MACROD2: variants seen among roughly 807,000 people sequenced by gnomAD.
MACROD2 encodes the protein mono-ADP ribosylhydrolase 2.
A neutral mutation model predicts 70.4 loss-of-function variants in MACROD2; 36 were observed. The observed-to-expected ratio is 0.51, with a 90% confidence interval of 0.39 to 0.68. The LOEUF is 0.68. Ranked by LOEUF, MACROD2 falls within the 30% of genes least tolerant of loss-of-function variation. MACROD2 has a pLI of 0.00. For synonymous variants in MACROD2, 172 were observed against 178.8 expected (o/e 0.96, Z 0.30); for missense variants, 496 against 538.4 (o/e 0.92, Z 0.78).
chr20:15,695,904 CTT>C (rs1413865482), intron 8 of MACROD2, among the ~76,000 whole-genome samples: 1 of 152,098 alleles, frequency 6.6e-6, no homozygotes, highest in Non-Finnish European at 1.5e-5. Context: ...TATCTGGAAA[CTT>C]TGCTGAATTC....
At chr20:14,691,777 T>G (rs1018540577) in intron 5 of MACROD2, among the ~76,000 whole-genome samples, 6 of 152,140 alleles carry the variant, frequency 3.9e-5, no homozygotes, top group African/African-American at 1.4e-4. Context: ...CAGCCTTTGA[T>G]GAAGACCTGA....
At chr20:14,919,744 A>C (rs1436904224) in intron 5 of MACROD2, among the ~76,000 whole-genome samples, 1 of 152,212 alleles carries the variant, frequency 6.6e-6, no homozygotes, top group African/African-American at 2.4e-5. Flanking sequence ...AACAACAAAA[A>C]CAAACAAACA....
intron 3 of MACROD2, among the ~76,000 whole-genome samples, chr20:14,220,210 C>T (rs1569212322): frequency 6.6e-6 from 1 of 151,840 alleles, no homozygotes; most frequent in Non-Finnish European, 1.5e-5. Flanking sequence ...GCTGCGGCTG[C>T]TGTTGGGGGG....
chr20:15,933,511 C>G, intron 11 of MACROD2, 173 bp downstream of exon 11: 2 of 542,400 alleles, frequency 3.7e-6, no homozygotes, highest in Non-Finnish European at 6.5e-6. Flanking sequence ...GAGTTGAGTG[C>G]TTTCAAACAG....
intron 6 of MACROD2, among the ~76,000 whole-genome samples, chr20:15,279,518 A>G (rs2077424485): frequency 6.6e-6 from 1 of 152,230 alleles, no homozygotes; most frequent in African/African-American, 2.4e-5. Flanking sequence ...CTCCAAGAAT[A>G]CAAGACAGCA....
chr20:14,832,541 C>T (rs2072983210), intron 5 of MACROD2, among the ~76,000 whole-genome samples: 1 of 152,056 alleles, frequency 6.6e-6, no homozygotes, highest in South Asian at 2.1e-4. Context: ...CATTTGTTTT[C>T]AAGGCTTTCT....
At chr20:14,112,508 A>C (rs1411118361) in intron 3 of MACROD2, among the ~76,000 whole-genome samples, 1 of 152,048 alleles carries the variant, frequency 6.6e-6, no homozygotes, top group Non-Finnish European at 1.5e-5. Flanking sequence ...GTACCCACAA[A>C]ATTAAAAAAT....
At chr20:14,989,115 A>G (rs973219166) in intron 5 of MACROD2, among the ~76,000 whole-genome samples, 1 of 152,214 alleles carries the variant, frequency 6.6e-6, no homozygotes, top group African/African-American at 2.4e-5. Context: ...GTATGTTACC[A>G]TATAGCGACA....
chr20:14,993,700 A>T (rs1348927269), intron 5 of MACROD2, among the ~76,000 whole-genome samples: 1 of 152,208 alleles, frequency 6.6e-6, no homozygotes, highest in Non-Finnish European at 1.5e-5. Context: ...TAAATGCTCT[A>T]GTCTGTAGAC....
intron 5 of MACROD2, among the ~76,000 whole-genome samples, chr20:15,145,861 T>C (rs17293544): frequency 0.082 from 12,443 of 152,114 alleles, 611 homozygotes; most frequent in Middle Eastern, 0.15. Context: ...TAGTGAAAAA[T>C]TGAAGAAACA....
chr20:15,660,324 A>G (rs1385923686), intron 8 of MACROD2, among the ~76,000 whole-genome samples: 1 of 152,188 alleles, frequency 6.6e-6, no homozygotes, highest in Non-Finnish European at 1.5e-5. Context: ...TTCATTTGAC[A>G]TGTGTTAATT....
intron 8 of MACROD2, among the ~76,000 whole-genome samples, chr20:15,802,670 G>A (rs190517725): frequency 2.2e-4 from 34 of 152,118 alleles, no homozygotes; most frequent in Admixed American, 8.5e-4. Flanking sequence ...GTAAAGGTCC[G>A]AGCACAACTA....
At chr20:14,626,190 C>T (rs1466962133) in intron 4 of MACROD2, among the ~76,000 whole-genome samples, 1 of 152,068 alleles carries the variant, frequency 6.6e-6, no homozygotes, top group Non-Finnish European at 1.5e-5. Flanking sequence ...CACTTTACAG[C>T]AAGGGTAGTT....
At chr20:15,444,281 C>T (rs951896625) in intron 7 of MACROD2, among the ~76,000 whole-genome samples, 2 of 152,120 alleles carry the variant, frequency 1.3e-5, no homozygotes, top group Non-Finnish European at 2.9e-5. Context: ...TATCAATGTT[C>T]CACATTTTGT....
chr20:14,350,528 C>G (rs1001811679), intron 3 of MACROD2, among the ~76,000 whole-genome samples: 13 of 152,066 alleles, frequency 8.5e-5, no homozygotes, highest in Admixed American at 8.5e-4. Flanking sequence ...TCACTTTTTC[C>G]TATGCCTGTT....
intron 15 of MACROD2, among the ~76,000 whole-genome samples, chr20:16,022,342 C>T (rs939843243): frequency 1.3e-5 from 2 of 151,978 alleles, no homozygotes; most frequent in Admixed American, 1.3e-4. Flanking sequence ...TGAGCCACCG[C>T]GCCCAGCCTC....
At chr20:14,458,991 A>G (rs1013356122) in intron 3 of MACROD2, among the ~76,000 whole-genome samples, 2 of 152,084 alleles carry the variant, frequency 1.3e-5, no homozygotes, top group Non-Finnish European at 2.9e-5. Flanking sequence ...TGTAACAGAT[A>G]TTATACTTTT....
At chr20:14,087,214 G>A (rs1354423322) in intron 3 of MACROD2, among the ~76,000 whole-genome samples, 2 of 151,996 alleles carry the variant, frequency 1.3e-5, no homozygotes, top group Non-Finnish European at 2.9e-5. Context: ...GGCCAACATG[G>A]TGAATCTCAT....
chr20:14,696,158 C>T (rs76105955), intron 5 of MACROD2, among the ~76,000 whole-genome samples: 2,516 of 152,076 alleles, frequency 0.017, 72 homozygotes, highest in African/African-American at 0.056. Flanking sequence ...CTATTATGAA[C>T]GAAAACTTCT....
Sources: allele counts gnomAD v4.1 joint callset (sites outside exome capture counted in the v4.1 genomes callset), GRCh38; gene constraint gnomAD v4.1.1; transcripts MANE v1.5; gene names NCBI Gene and HGNC (gene_info 2026-07-23, HGNC 2026-07-21).